The following NCSTN variants were observed in gnomAD, a reference collection of about 807,000 sequenced individuals.
The protein encoded by NCSTN is anterior pharynx-defective 2.
NCSTN carries 22 observed loss-of-function variants against 87.0 expected under a neutral mutation model. The observed-to-expected ratio is 0.25, with a 90% CI of 0.18 to 0.36. NCSTN has a LOEUF of 0.36. Among genes scored for constraint, NCSTN ranks in the 10% least tolerant of loss-of-function variants. The probability of loss-of-function intolerance (pLI) is 1.00; values close to 1 mark genes in which losing one functional copy is unlikely to be tolerated. For synonymous variants in NCSTN, 306 were observed against 327.1 expected, an observed-to-expected ratio of 0.94 and a Z score of 0.69; for missense variants, 693 against 883.3, an observed-to-expected ratio of 0.78 and a Z score of 2.73.
chr1:160,358,085 T>A (rs956259377), intron 16 of NCSTN, 64 bp from the exon 17 acceptor site: 1 of 1,612,686 alleles, frequency 6.2e-7, no homozygotes, highest in East Asian at 2.2e-5. Flanking sequence ...CAAACAGTTA[T>A]CCAAAAAACT....
intron 10 of NCSTN, chr1:160,353,745 A>G: frequency 1.0e-6 from 1 of 981,310 alleles, no homozygotes; most frequent in Non-Finnish European, 1.2e-6. Flanking sequence ...CATTTAAAGA[A>G]TTGGTTATCT....
chr1:160,349,383 T>C lies in NCSTN; in HGVS notation c.315-166T>C, dbSNP rs1648707144. On this transcript the variant is annotated intron_variant, in intron 3 of 16. Transcript: ENST00000294785. ...GTCCTTACTCACTAAAGCTCTACTT[T>C]TTAGAGCAGATCATTGTCCAGACTC... The C allele has an allele frequency of 2.7e-6, 3 of 1,117,270 alleles. No individual in the cohort carries two copies. The Admixed American group carries it at 5.3e-5, about 20-fold the overall frequency. The allele number at this position is 1,117,270 out of a possible 1,614,324, so 69.2% of individuals were successfully genotyped here.
At chr1:160,347,591 C>T (rs552187094) in intron 2 of NCSTN, among the ~76,000 whole-genome samples, 1 of 151,998 alleles carries the variant, frequency 6.6e-6, no homozygotes, top group African/African-American at 2.4e-5. Context: ...TCTTCCTGTC[C>T]TCGCTGGAGT....
At chr1:160,355,625 A>G (rs778455266) in intron 11 of NCSTN, 30 bp from the exon 12 acceptor site, 2 of 1,539,476 alleles carry the variant, frequency 1.3e-6, no homozygotes. Flanking sequence ...GGCTAAATGT[A>G]GCCAAGGCTC....
intron 4 of NCSTN, 132 bp downstream of exon 4, chr1:160,349,802 G>A: frequency 7.6e-7 from 1 of 1,315,990 alleles, no homozygotes; most frequent in South Asian, 1.2e-5. Flanking sequence ...CCCAAACAGG[G>A]GGTAGTGTTT....
chr1:160,353,095 A>G (rs1465317537), intron 9 of NCSTN, 65 bp from the exon 10 acceptor site: 4 of 1,587,632 alleles, frequency 2.5e-6, no homozygotes, highest in Non-Finnish European at 2.6e-6. Context: ...CTTGACTTCT[A>G]TCCCCTAGGC....
intron 4 of NCSTN, among the ~76,000 whole-genome samples, 166 bp downstream of exon 4, chr1:160,349,836 TCCCTC>T (rs1284685224): frequency 1.3e-5 from 2 of 152,208 alleles, no homozygotes; most frequent in Non-Finnish European, 2.9e-5. Flanking sequence ...GCTCATCCCT[TCCCTC>T]TCCTGCTTCC....
At chr1:160,352,410 C>T (rs1474073231) in intron 8 of NCSTN, among the ~76,000 whole-genome samples, 4 of 152,074 alleles carry the variant, frequency 2.6e-5, no homozygotes, top group Non-Finnish European at 4.4e-5. Context: ...GCTTTTACAC[C>T]CTGAATTGGT....
Position 160,358,236 on chromosome 1 carries a change from A to G in NCSTN, c.2095A>G (p.Ile699Val). Residue 699 changes from isoleucine (I) to valine (V), a missense_variant, in exon 17 of 17, where the codon ATT becomes GTT. Coordinates refer to ENST00000294785, the MANE Select transcript of NCSTN (RefSeq NM_015331.3). The stretch of plus-strand genomic sequence containing the variant: ...CAATGCCAAAGCTGATGTCCTTTTC[A>G]TTGCTCCCCGGGAGCCAGGAGCTGT... ...CINAKADVLF[I>V]APREPGAVSY is the part of the protein sequence containing the mutation. The G allele has an allele frequency of 2.5e-6, 4 of 1,613,662 alleles. No individual in the cohort carries two copies. The highest frequency in any genetic ancestry group is 1.3e-5 in the African/African-American group (1 of 74,842).
intron 2 of NCSTN, 129 bp from the exon 3 acceptor site, chr1:160,348,870 C>A (rs1011764338): frequency 2.2e-5 from 29 of 1,318,898 alleles, no homozygotes; most frequent in Non-Finnish European, 2.9e-5. Context: ...CAGTTCAAAT[C>A]TAGAGGTGCC....
chr1:160,358,537 T>G lies in NCSTN; in HGVS notation c.*266T>G. On this transcript the variant is annotated 3_prime_UTR_variant, in exon 17 of 17. Transcript: ENST00000294785. ...TTTTGGGATTACAAATAGAAGCTTC[T>G]TGCTCCTGTTTAACTCCCTAGTTAC... The G allele has an allele frequency of 2.5e-4, 118 of 463,252 alleles. No individual in the cohort carries two copies. Among genetic ancestry groups the G allele is most frequent in the East Asian group, 3.6e-4 (8 of 22,088 alleles). The allele number at this position is 463,252 out of a possible 1,614,324, so 28.7% of individuals were successfully genotyped here. A position where few individuals can be genotyped will look rare whatever the true frequency, so the allele number is the denominator to read the frequency against.
intron 2 of NCSTN, 128 bp downstream of exon 2, chr1:160,344,954 A>AC: frequency 1.2e-6 from 1 of 802,622 alleles, no homozygotes; most frequent in Non-Finnish European, 2.1e-6. Context: ...GTTACAGATA[A>AC]CCGTCTGTCA....
Position 160,358,284 on chromosome 1 carries a change from C to G in NCSTN, c.*13C>G. 6.2e-7 allele frequency: 1 copy of G among 1,614,048 alleles called. No individual in the cohort carries two copies. The highest frequency in any genetic ancestry group is 8.5e-7 in the Non-Finnish European group (1 of 1,180,026). ...TGTGTCATACTGAGGAGGACCCCAGCTTTTCTTGCCAGCTCAGCAGTTCAC... is the reference window on the plus strand; with the variant it reads ...TGTGTCATACTGAGGAGGACCCCAGGTTTTCTTGCCAGCTCAGCAGTTCAC... On this transcript the variant is annotated 3_prime_UTR_variant, in exon 17 of 17. Coordinates refer to ENST00000294785, the MANE Select transcript of NCSTN (RefSeq NM_015331.3).
chr1:160,350,177 G>T lies in NCSTN; in HGVS notation c.509G>T (p.Gly170Val). ...ATACAGTGGAATTCGCTGGGCAATG[G>T]TTTGGCTTATGAAGACTTTAGTTTC... ...REIQWNSLGN[G>V]LAYEDFSFPI... Residue 170 changes from glycine (G) to valine (V), a missense_variant, in exon 5 of 17, where the codon GGT becomes GTT. By Grantham distance (109) the Gly-to-Val change is moderately radical. This residue lies in a region of NCSTN where 235 missense variants were observed against 233.9 expected (regional missense o/e 1.00). Transcript: ENST00000294785. 1.2e-6 allele frequency: 2 copies of T among 1,614,142 alleles called. No homozygotes were observed. The highest frequency in any genetic ancestry group is 1.7e-6 in the Non-Finnish European group (2 of 1,180,010).
At chr1:160,351,673 C>T (rs1373899823) in intron 6 of NCSTN, 23 bp from the exon 7 acceptor site, 3 of 1,546,386 alleles carry the variant, frequency 1.9e-6, no homozygotes, top group Non-Finnish European at 2.7e-6. Flanking sequence ...TTGTTGATCT[C>T]TCATTGTTTG....
At chr1:160,344,344 A>G (rs778763164) in intron 1 of NCSTN, 7 of 869,492 alleles carry the variant, frequency 8.1e-6, no homozygotes, top group Non-Finnish European at 1.0e-5. Context: ...TTCTTAGCCC[A>G]GCACCTGTGT....
At chr1:160,349,492 T>C (rs749514728) in intron 3 of NCSTN, 57 bp from the exon 4 acceptor site, 18 of 1,610,842 alleles carry the variant, frequency 1.1e-5, no homozygotes, top group Non-Finnish European at 1.5e-5. Flanking sequence ...GCAGGCAGAA[T>C]GTCAGGCTGT....
intron 4 of NCSTN, 31 bp from the exon 5 acceptor site, chr1:160,350,074 C>A: frequency 1.9e-6 from 3 of 1,612,254 alleles, no homozygotes; most frequent in South Asian, 1.1e-5. Flanking sequence ...TCCCAGTAAC[C>A]AGTCCCCCTA....
At chr1:160,349,509 C>G (rs759337937) in intron 3 of NCSTN, 40 bp from the exon 4 acceptor site, 1 of 1,613,816 alleles carries the variant, frequency 6.2e-7, no homozygotes, top group African/African-American at 1.3e-5. Flanking sequence ...CTGTCTGATA[C>G]CTTCCTGTGT....
Sources: allele counts gnomAD v4.1 joint callset (sites outside exome capture counted in the v4.1 genomes callset), GRCh38; gene constraint gnomAD v4.1.1; regional missense constraint gnomAD v4.1.1; transcripts MANE v1.5; gene names NCBI Gene and HGNC (gene_info 2026-07-23, HGNC 2026-07-21).